The following PLPPR1 variants were observed in gnomAD, a reference collection of about 807,000 sequenced individuals.
The protein encoded by PLPPR1 is phospholipid phosphatase related 1, also known as phospholipid phosphatase-related protein type 1.
Under a neutral mutation model 33.1 loss-of-function variants are expected in PLPPR1, and 10 were observed. The ratio of observed to expected loss-of-function variants is 0.30; its 90% CI spans 0.19 to 0.51. The LOEUF (loss-of-function observed/expected upper bound fraction) is 0.51. Among genes scored for constraint, PLPPR1 ranks in the 20% least tolerant of loss-of-function variants. PLPPR1 has a pLI of 0.97. For missense variants in PLPPR1, 304 were observed against 408.1 expected (o/e 0.74, Z 2.20); for synonymous variants, 151 against 151.0 (o/e 1.00, Z 0.00).
At chr9:101,168,844 C>T (rs1825898185) in intron 1 of PLPPR1, among the ~76,000 whole-genome samples, 1 of 152,104 alleles carries the variant, frequency 6.6e-6, no homozygotes, top group African/African-American at 2.4e-5. Flanking sequence ...TCATCTTAAG[C>T]CTTATGTATA....
rs113564419 is a variant in PLPPR1, at chr9:101,319,461, C to T, written c.945+1965C>T. 2.8e-4 allele frequency among the ~76,000 whole-genome samples: 42 copies of T among 147,524 alleles called. 1 individual carries two copies. Among genetic ancestry groups the T allele is most frequent in the South Asian group, 2.3e-3 (10 of 4,334 alleles). On this transcript the variant is annotated intron_variant, in intron 7 of 7. Transcript: ENST00000374874. ...TTATTAATGAACCAGGTTTTGAGGG[C>T]GGGGCTTGGGGGGGTTGGAACAAGA...
At chr9:101,305,111 T>C (rs972205418) in intron 4 of PLPPR1, among the ~76,000 whole-genome samples, 1 of 152,082 alleles carries the variant, frequency 6.6e-6, no homozygotes, top group African/African-American at 2.4e-5. Flanking sequence ...GGCCTGATAG[T>C]ATGAAAGAAA....
intron 1 of PLPPR1, among the ~76,000 whole-genome samples, chr9:101,044,815 G>A (rs1830125469): frequency 6.6e-6 from 1 of 152,094 alleles, no homozygotes; most frequent in East Asian, 1.9e-4. Context: ...AGTGTTTTAT[G>A]GTAAACTTGA....
chr9:101,199,217 ACTT>A (rs1297639882), intron 2 of PLPPR1, among the ~76,000 whole-genome samples: 1 of 152,132 alleles, frequency 6.6e-6, no homozygotes, highest in Admixed American at 6.5e-5. Context: ...TTATTGAAAA[ACTT>A]CTGAATATAA....
At chr9:101,284,932 G>C (rs1828365976) in intron 3 of PLPPR1, among the ~76,000 whole-genome samples, 1 of 152,186 alleles carries the variant, frequency 6.6e-6, no homozygotes, top group South Asian at 2.1e-4. Context: ...CATATGAATA[G>C]TGGGAAGTGT....
intron 1 of PLPPR1, among the ~76,000 whole-genome samples, chr9:101,176,874 AC>A: frequency 6.6e-6 from 1 of 152,338 alleles, no homozygotes; most frequent in African/African-American, 2.4e-5. Flanking sequence ...CAATCAAAAG[AC>A]ACCAATGACA....
chr9:101,034,695 A>C (rs1829988815), intron 1 of PLPPR1, among the ~76,000 whole-genome samples: 2 of 152,144 alleles, frequency 1.3e-5, no homozygotes, highest in African/African-American at 2.4e-5. Context: ...GGTCGGACAG[A>C]GTAAGTACCT....
At chr9:101,101,139 A>T (rs74560269) in intron 1 of PLPPR1, among the ~76,000 whole-genome samples, 2,693 of 152,198 alleles carry the variant, frequency 0.018, 50 homozygotes, top group African/African-American at 0.045. Flanking sequence ...CTCATTCTTT[A>T]CCAATGGTTC....
chr9:101,039,323 A>C (rs2118414422), intron 1 of PLPPR1, among the ~76,000 whole-genome samples: 1 of 152,252 alleles, frequency 6.6e-6, no homozygotes, highest in East Asian at 1.9e-4. Flanking sequence ...ATATGGAGAT[A>C]ATAAAAGTAC....
Position 101,070,534 on chromosome 9 carries a change from T to A in PLPPR1, c.-46+41432T>A, listed in dbSNP as rs191768127. 2.6e-5 allele frequency among the ~76,000 whole-genome samples: 4 copies of A among 152,190 alleles called. No homozygotes were observed. The East Asian group carries it at 7.8e-4, about 30-fold the overall frequency. On this transcript the variant is annotated intron_variant, in intron 1 of 7. Coordinates refer to ENST00000374874, the MANE Select transcript of PLPPR1 (RefSeq NM_207299.2). ...ACAGATTATTAGATCAACCTTTTCA[T>A]ACAGACGAGAAATGCTTCTTTCTAG...
At chr9:101,259,690 G>C (rs1827862124) in intron 2 of PLPPR1, among the ~76,000 whole-genome samples, 1 of 152,128 alleles carries the variant, frequency 6.6e-6, no homozygotes, top group Non-Finnish European at 1.5e-5. Flanking sequence ...ACACAGCTTG[G>C]TTTTATACAT....
chr9:101,086,219 T>G (rs1354847375), intron 1 of PLPPR1, among the ~76,000 whole-genome samples: 1 of 152,196 alleles, frequency 6.6e-6, no homozygotes, highest in African/African-American at 2.4e-5. Flanking sequence ...TTGAGCTCTT[T>G]GATAGCAGAT....
At chr9:101,311,109 T>C (rs562731411) in intron 5 of PLPPR1, among the ~76,000 whole-genome samples, 1 of 152,320 alleles carries the variant, frequency 6.6e-6, no homozygotes, top group East Asian at 1.9e-4. Context: ...TTTATCAGAC[T>C]CAAGTCATTG....
intron 1 of PLPPR1, among the ~76,000 whole-genome samples, chr9:101,112,078 A>G (rs1269759783): frequency 1.3e-5 from 2 of 152,204 alleles, no homozygotes; most frequent in Non-Finnish European, 2.9e-5. Flanking sequence ...GCAGGCATAC[A>G]TGTCAACTGA....
chr9:101,225,911 A>T (rs929494157), intron 2 of PLPPR1, among the ~76,000 whole-genome samples: 1 of 152,082 alleles, frequency 6.6e-6, no homozygotes. Context: ...CAACCCATCA[A>T]TATCCCTTAT....
chr9:101,060,979 C>A (rs1830340376), intron 1 of PLPPR1, among the ~76,000 whole-genome samples: 1 of 151,770 alleles, frequency 6.6e-6, no homozygotes, highest in Admixed American at 6.6e-5. Flanking sequence ...TGCTTTTGAC[C>A]ATTTTCTCAA....
intron 4 of PLPPR1, among the ~76,000 whole-genome samples, chr9:101,308,221 A>G (rs1828889819): frequency 6.6e-6 from 1 of 152,222 alleles, no homozygotes. Flanking sequence ...TTATCCAGAT[A>G]TAATCACAAG....
chr9:101,089,375 T>C (rs948274177), intron 1 of PLPPR1, among the ~76,000 whole-genome samples: 2 of 152,132 alleles, frequency 1.3e-5, no homozygotes, highest in Admixed American at 6.6e-5. Flanking sequence ...TTGTAACTAG[T>C]TTAATTAAAT....
intron 2 of PLPPR1, among the ~76,000 whole-genome samples, chr9:101,238,328 T>C (rs1827372499): frequency 1.7e-5 from 2 of 121,052 alleles, no homozygotes; most frequent in Admixed American, 1.7e-4. Flanking sequence ...AGGATGTATA[T>C]ATACCTCTCT....
Sources: gnomAD v4.1 joint callset for allele counts (sites outside exome capture counted in the v4.1 genomes callset) on GRCh38, gnomAD v4.1.1 for gene constraint, MANE v1.5 for transcripts, NCBI Gene and HGNC (gene_info 2026-07-23, HGNC 2026-07-21) for gene names.